The following MYCBP2 variants were observed in gnomAD, a reference collection of about 807,000 sequenced individuals.
MYCBP2 encodes MYC binding protein 2.
Under a neutral mutation model 525.3 loss-of-function variants are expected in MYCBP2, and 120 were observed. The ratio of observed to expected loss-of-function variants is 0.23; its 90% CI spans 0.20 to 0.27. The LOEUF is 0.27. Ranked by LOEUF, MYCBP2 falls within the 10% of genes least tolerant of loss-of-function variation. The pLI, the probability that MYCBP2 is intolerant of heterozygous loss-of-function variation, is 1.00. For missense variants in MYCBP2, 4,149 were observed against 5,657.1 expected (o/e 0.73, Z 8.55); for synonymous variants, 1,894 against 1,955.8 (o/e 0.97, Z 0.83).
chr13:77,106,692 T>G (rs977655854), intron 55 of MYCBP2, among the ~76,000 whole-genome samples: 4 of 152,162 alleles, frequency 2.6e-5, no homozygotes, highest in African/African-American at 9.6e-5. Flanking sequence ...GTAAAACTAC[T>G]AGATACAATC....
intron 52 of MYCBP2, among the ~76,000 whole-genome samples, chr13:77,126,942 A>T (rs1325092674): frequency 1.3e-5 from 2 of 151,950 alleles, no homozygotes; most frequent in Admixed American, 1.3e-4. Context: ...TGTTATGGGT[A>T]AAAAAAAGTC....
intron 8 of MYCBP2, among the ~76,000 whole-genome samples, chr13:77,265,603 G>C (rs1274523746): frequency 1.3e-5 from 2 of 152,144 alleles, no homozygotes; most frequent in Non-Finnish European, 2.9e-5. Context: ...GGAATTACCT[G>C]ATTTATGTCA....
intron 52 of MYCBP2, among the ~76,000 whole-genome samples, chr13:77,133,326 T>A (rs2053221939): frequency 6.6e-6 from 1 of 152,176 alleles, no homozygotes; most frequent in African/African-American, 2.4e-5. Context: ...AAGGAGCATA[T>A]ATATGTTAGA....
intron 63 of MYCBP2, among the ~76,000 whole-genome samples, chr13:77,082,770 G>A (rs1275665012): frequency 3.3e-5 from 5 of 152,030 alleles, no homozygotes; most frequent in African/African-American, 7.2e-5. Flanking sequence ...GTAGGAGACT[G>A]GGGAAAGTGA....
rs925197407 is a variant in MYCBP2, at chr13:77,275,318, C to T, written c.749-1650G>A. On this transcript the variant is annotated intron_variant, in intron 4 of 82. Transcript: ENST00000544440. Reference sequence around the variant, plus strand: ...CTTTAACATGGCATGTAAAGCTCTGCATGTCCCTGCCTCCTTCCTCACCTG... The same window carrying T: ...CTTTAACATGGCATGTAAAGCTCTGTATGTCCCTGCCTCCTTCCTCACCTG... Among the ~76,000 whole-genome samples the T allele has an allele frequency of 2.6e-5, 4 of 152,350 alleles. No individual in the cohort carries two copies. The East Asian group carries it at 5.8e-4, about 22-fold the overall frequency.
chr13:77,325,697 C>G (rs554619439), intron 1 of MYCBP2, among the ~76,000 whole-genome samples: 1 of 152,278 alleles, frequency 6.6e-6, no homozygotes. Context: ...TACTCTAAAG[C>G]CTGTAAGTAA....
Position 77,098,272 on chromosome 13 carries a change from T to C in MYCBP2, c.8882A>G (p.Asp2961Gly), listed in dbSNP as rs2046530666. 1 of 1,612,352 alleles carries C rather than the reference T, an allele frequency of 6.2e-7. No homozygotes were observed. Among genetic ancestry groups the C allele is most frequent in the Non-Finnish European group, 8.5e-7 (1 of 1,179,798 alleles). Residue 2961 changes from aspartate to glycine, a missense_variant, in exon 56 of 83, where the codon GAT (aspartate) becomes GGT (glycine). Asp to Gly is a moderately conservative substitution (Grantham distance 94). Around this residue, in one of 21 missense-constraint regions of MYCBP2, gnomAD observed 653 missense variants for 744.7 expected, o/e 0.88. Coordinates refer to ENST00000544440, the MANE Select transcript of MYCBP2 (RefSeq NM_015057.5). ...AAAATGAACTTTATTTGAACCTTCA[T>C]CCACACTCTTAAATTCACTGCTGTC... ...CDDSSEFKSV[D>G]EGSNKVHFSI...
At chr13:77,291,632 C>T (rs892119220) in intron 2 of MYCBP2, among the ~76,000 whole-genome samples, 1 of 152,084 alleles carries the variant, frequency 6.6e-6, no homozygotes, top group East Asian at 1.9e-4. Context: ...CCGGGCGTGG[C>T]GGTGCATGCC....
At chr13:77,144,648 T>C in intron 48 of MYCBP2, 88 bp from the exon 49 acceptor site, 1 of 871,886 alleles carries the variant, frequency 1.1e-6, no homozygotes, top group Admixed American at 1.7e-5. Flanking sequence ...ATTTAATTTG[T>C]TTGCATACCT....
intron 1 of MYCBP2, among the ~76,000 whole-genome samples, chr13:77,300,534 C>T (rs1950631670): frequency 6.6e-6 from 1 of 152,060 alleles, no homozygotes; most frequent in Admixed American, 6.5e-5. Flanking sequence ...AGAATTGGGC[C>T]TCATTGGTCT....
intron 2 of MYCBP2, among the ~76,000 whole-genome samples, chr13:77,294,347 A>T (rs184062877): frequency 2.0e-4 from 31 of 151,794 alleles, no homozygotes; most frequent in African/African-American, 7.5e-4. Context: ...TGTATCCCAA[A>T]CATCCAGCAT....
intron 30 of MYCBP2, among the ~76,000 whole-genome samples, chr13:77,188,433 G>A (rs537791527): frequency 1.8e-4 from 28 of 152,256 alleles, no homozygotes; most frequent in African/African-American, 6.7e-4. Flanking sequence ...TAATACATGA[G>A]AGATCAAGAC....
At position 77,159,514 on chromosome 13, in the gene MYCBP2, C is replaced by T. The variant is rs2057617181; in HGVS notation, c.6598-1405G>A. 2.0e-5 allele frequency among the ~76,000 whole-genome samples: 3 copies of T among 152,028 alleles called. No individual in the cohort carries two copies. The South Asian group carries it at 6.2e-4, about 32-fold the overall frequency. On this transcript the variant is annotated intron_variant, in intron 44 of 82. Coordinates refer to ENST00000544440, the MANE Select transcript of MYCBP2 (RefSeq NM_015057.5). ...TCTGATATGGTTTGGCTCTGTGTCC[C>T]CACCCAAATCTCAACTCGAATTATA...
At chr13:77,245,179 T>C (rs937724168) in intron 15 of MYCBP2, among the ~76,000 whole-genome samples, 3 of 152,130 alleles carry the variant, frequency 2.0e-5, no homozygotes, top group Non-Finnish European at 4.4e-5. Context: ...AGTTCAACCA[T>C]TGTGGAAGGC....
chr13:77,219,760 T>G (rs918058132), intron 20 of MYCBP2, among the ~76,000 whole-genome samples: 1 of 152,046 alleles, frequency 6.6e-6, no homozygotes, highest in Non-Finnish European at 1.5e-5. Flanking sequence ...AGTGGAGAGT[T>G]TGAAGATTCG....
intron 55 of MYCBP2, among the ~76,000 whole-genome samples, chr13:77,113,147 T>G (rs1222008715): frequency 6.6e-6 from 1 of 152,188 alleles, no homozygotes; most frequent in African/African-American, 2.4e-5. Flanking sequence ...TCCTTATAGT[T>G]GGAATGCTCC....
intron 74 of MYCBP2, among the ~76,000 whole-genome samples, chr13:77,061,991 C>CT (rs2039385348): frequency 6.6e-6 from 1 of 152,174 alleles, no homozygotes; most frequent in Non-Finnish European, 1.5e-5. Context: ...CATTAATGTG[C>CT]TTTGCAGGTT....
In MYCBP2 at chr13:77,071,264, TGCACAC is replaced by T. The variant is rs1297166476; in HGVS notation, c.11824-559_11824-554del. On this transcript the variant is annotated intron_variant, in intron 68 of 82. Transcript: ENST00000544440. ...ATATATATATATGCATGCACGTGTG[TGCACAC>T]GCACACACACACACACACACACACA... Among the ~76,000 whole-genome samples, 297 of 101,506 alleles carry T rather than the reference TGCACAC, an allele frequency of 2.9e-3. 2 individuals carry two copies. Among genetic ancestry groups the T allele is most frequent in the African/African-American group, 6.8e-3 (206 of 30,276 alleles). The allele number at this position is 101,506 out of a possible 152,430, so 66.6% of individuals were successfully genotyped here.
In MYCBP2 at chr13:77,058,426, AT is replaced by A. The variant is rs767703656; in HGVS notation, c.13141-21del. 6.4e-7 allele frequency: 1 copy of A among 1,555,030 alleles called. No homozygotes were observed. The highest frequency in any genetic ancestry group is 8.7e-7 in the Non-Finnish European group (1 of 1,148,242). On this transcript the variant is annotated intron_variant, in intron 77 of 82. Coordinates refer to ENST00000544440, the MANE Select transcript of MYCBP2 (RefSeq NM_015057.5). The surrounding 1 kb of genome is among the most constrained non-coding windows in gnomAD (Gnocchi z 4.1). ...GTATTCCTGTTAAAGATGAATTACA[AT>A]GTTACACAAGTATGTAAAAAAGCAC...
Sources: allele counts gnomAD v4.1 joint callset (sites outside exome capture counted in the v4.1 genomes callset), GRCh38; gene constraint gnomAD v4.1.1; regional missense constraint gnomAD v4.1.1; non-coding constraint Gnocchi (gnomAD v3.1); transcripts MANE v1.5; gene names NCBI Gene and HGNC (gene_info 2026-07-23, HGNC 2026-07-21).